CPNE2: variants seen among roughly 807,000 people sequenced by gnomAD.
The protein encoded by CPNE2 is copine-2.
CPNE2 carries 42 observed loss-of-function variants against 69.7 expected under a neutral mutation model. The observed-to-expected ratio is 0.60, with a 90% CI of 0.47 to 0.78. The LOEUF (loss-of-function observed/expected upper bound fraction) is 0.78. Among genes scored for constraint, CPNE2 ranks in the 30% least tolerant of loss-of-function variants. The pLI, the probability that CPNE2 is intolerant of heterozygous loss-of-function variation, is 0.00. For missense variants in CPNE2, 587 were observed against 732.0 expected (o/e 0.80, Z 2.29); for synonymous variants, 294 against 289.8 (o/e 1.01, Z -0.15).
At chr16:57,121,782 C>T (rs368381885) in intron 9 of CPNE2, 22 bp downstream of exon 9, 565 of 1,610,350 alleles carry the variant, frequency 3.5e-4, no homozygotes, top group Non-Finnish European at 4.6e-4. Flanking sequence ...TGGGCAAGCA[C>T]GAGCCAGGGG....
In CPNE2 at chr16:57,147,764, T is replaced by C; in HGVS notation, c.*106T>C. 1 of 627,320 alleles carries C rather than the reference T, an allele frequency of 1.6e-6. No homozygotes were observed. The highest frequency in any genetic ancestry group is 2.4e-6 in the Non-Finnish European group (1 of 408,170). The allele number at this position is 627,320 out of a possible 1,614,324, so 38.9% of individuals were successfully genotyped here. ...GGGTGGCCTTTTTTTACCGATCCCC[T>C]TTTTTATTTTTTACAACCGGACCTC... is the stretch of plus-strand genomic sequence containing the variant. On this transcript the variant is annotated 3_prime_UTR_variant, in exon 16 of 16. Transcript: ENST00000290776.
At chr16:57,103,074 C>T (rs1050015552) in intron 1 of CPNE2, among the ~76,000 whole-genome samples, 3 of 152,288 alleles carry the variant, frequency 2.0e-5, no homozygotes, top group East Asian at 1.9e-4. Flanking sequence ...CAGGCAACCA[C>T]GCCCCTTTCT....
chr16:57,131,793 C>A (rs946014160), intron 12 of CPNE2, among the ~76,000 whole-genome samples: 2 of 152,222 alleles, frequency 1.3e-5, no homozygotes, highest in African/African-American at 4.8e-5. Context: ...CTCCTTCATT[C>A]ACTCCCACCT....
At chr16:57,124,083 TTTTC>T (rs1461734829) in intron 10 of CPNE2, 96 of 166,644 alleles carry the variant, frequency 5.8e-4, no homozygotes, top group African/African-American at 1.5e-3. Context: ...TTTTCTTTTC[TTTTC>T]TTTTTTTTTT....
At position 57,113,487 on chromosome 16, in the gene CPNE2, G is replaced by A. The variant is rs745409884; in HGVS notation, c.360+20G>A. ...GGCACGGTGAGCTGGGCCCTCCTGG[G>A]TGGGAGCAGGGGCCCAAAGACCGGG... On this transcript the variant is annotated intron_variant, in intron 3 of 15. Transcript: ENST00000290776. The A allele has an allele frequency of 1.2e-6, 2 of 1,609,134 alleles. No individual in the cohort carries two copies. The highest frequency in any genetic ancestry group is 1.7e-6 in the Non-Finnish European group (2 of 1,177,150).
rs574859731 is a variant in CPNE2 at position 57,103,340 on chromosome 16, C to G, written c.-35-7368C>G. ...ATCTCACTGTGTTGCCCCAGGCTGG[C>G]CTCAAACTCCTGGCCTCAAGCAGTT... On this transcript the variant is annotated intron_variant, in intron 1 of 15. Transcript: ENST00000290776. Among the ~76,000 whole-genome samples the G allele has an allele frequency of 3.0e-5, 4 of 135,096 alleles. No homozygotes were observed. In the East Asian group the frequency reaches 7.9e-4, roughly 27 times the overall value. 88.6% of individuals were successfully genotyped at this position (135,096 alleles called of 152,430 possible). A position where few individuals can be genotyped will look rare whatever the true frequency, so the allele number is the denominator to read the frequency against.
At chr16:57,109,827 A>G (rs1332326175) in intron 1 of CPNE2, among the ~76,000 whole-genome samples, 2 of 152,190 alleles carry the variant, frequency 1.3e-5, no homozygotes, top group South Asian at 2.1e-4. Flanking sequence ...CCTGTGACCC[A>G]GAATGCCTAA....
At chr16:57,137,340 G>A (rs546668572) in intron 14 of CPNE2, 58 bp downstream of exon 14, 34 of 1,595,924 alleles carry the variant, frequency 2.1e-5, no homozygotes, top group Admixed American at 1.7e-4. Context: ...TCTGGGCTGG[G>A]GGGCAGGATA....
intron 3 of CPNE2, among the ~76,000 whole-genome samples, chr16:57,115,030 C>G (rs889703807): frequency 2.0e-5 from 3 of 150,314 alleles, no homozygotes; most frequent in East Asian, 3.9e-4. Context: ...TCGCTTGAGC[C>G]CAGGAGGTTG....
rs1212397139 is a variant in CPNE2 at position 57,121,723 on chromosome 16, A to G, written c.830A>G (p.Tyr277Cys). Residue 277 changes from tyrosine to cysteine, a missense_variant, in exon 9 of 16, where the codon TAT (tyrosine) becomes TGT (cysteine). This residue lies in a region of CPNE2 where 269 missense variants were observed against 300.5 expected (regional missense o/e 0.90). Coordinates refer to ENST00000290776, the MANE Select transcript of CPNE2 (RefSeq NM_152727.6). ...AAGAAGCAGAGGAAGAAGAAGAACT[A>G]TAAAAACTCGGGCATCATCATCCTG... ...NPKKQRKKKNYKNSGIIILRS... is the reference protein window; with the variant it reads ...NPKKQRKKKNCKNSGIIILRS... The G allele has an allele frequency of 2.5e-6, 4 of 1,614,122 alleles. No homozygotes were observed. Among genetic ancestry groups the G allele is most frequent in the Non-Finnish European group, 3.4e-6 (4 of 1,180,048 alleles).
At chr16:57,108,821 C>T (rs901180279) in intron 1 of CPNE2, among the ~76,000 whole-genome samples, 1 of 152,226 alleles carries the variant, frequency 6.6e-6, no homozygotes, top group African/African-American at 2.4e-5. Flanking sequence ...GAGGAAGATA[C>T]TTGAGGCCCA....
intron 7 of CPNE2, among the ~76,000 whole-genome samples, chr16:57,120,298 G>A (rs1198976750): frequency 6.8e-6 from 1 of 146,848 alleles, no homozygotes; most frequent in Non-Finnish European, 1.5e-5. Context: ...TTATAGGCCG[G>A]GCGCGGTGGC....
rs1168952189 is a variant in CPNE2, at chr16:57,147,579, T to C, written c.1568T>C (p.Val523Ala). 6.2e-7 allele frequency: 1 copy of C among 1,608,790 alleles called. No individual in the cohort carries two copies. Among genetic ancestry groups the C allele is most frequent in the African/African-American group, 1.3e-5 (1 of 74,872 alleles). Residue 523 changes from valine to alanine, a missense_variant, in exon 16 of 16, where the codon GTG becomes GCG. Val to Ala is a moderately conservative substitution (Grantham distance 64). Transcript: ENST00000290776. ...NAAKETLAKA[V>A]LAELPQQVVQ... ...GCAAAAGAGACCTTGGCCAAAGCTG[T>C]GCTGGCGGAGCTGCCCCAACAAGTT...
intron 2 of CPNE2, chr16:57,112,994 GC>G (rs2069691245): frequency 3.6e-6 from 1 of 275,272 alleles, no homozygotes; most frequent in African/African-American, 2.2e-5. Context: ...TCTTACCCTG[GC>G]ACCTGGGTAG....
chr16:57,100,471 G>A (rs1366625927), intron 1 of CPNE2, among the ~76,000 whole-genome samples: 2 of 152,220 alleles, frequency 1.3e-5, no homozygotes, highest in African/African-American at 2.4e-5. Context: ...TATCTGCAGT[G>A]CGTCAAGCAT....
At chr16:57,096,465 T>G (rs972718017) in intron 1 of CPNE2, among the ~76,000 whole-genome samples, 1 of 152,014 alleles carries the variant, frequency 6.6e-6, no homozygotes, top group African/African-American at 2.4e-5. Context: ...GCCAAGATAG[T>G]CAGACCACTT....
At chr16:57,133,943 G>A (rs929519804) in intron 12 of CPNE2, among the ~76,000 whole-genome samples, 6 of 152,166 alleles carry the variant, frequency 3.9e-5, no homozygotes, top group Non-Finnish European at 5.9e-5. Context: ...CTGTGGGGCT[G>A]CAAGAGAGGG....
At chr16:57,096,150 C>T (rs905808551) in intron 1 of CPNE2, among the ~76,000 whole-genome samples, 10 of 152,206 alleles carry the variant, frequency 6.6e-5, no homozygotes, top group Non-Finnish European at 7.3e-5. Flanking sequence ...GGGAGAATTA[C>T]GAGCTTGCCC....
intron 14 of CPNE2, chr16:57,143,147 G>A (rs999817517): frequency 1.4e-4 from 22 of 152,382 alleles, no homozygotes; most frequent in African/African-American, 4.6e-4. Context: ...CTGTCCTGGG[G>A]GTAGGGCTGT....
Sources: gnomAD v4.1 joint callset for allele counts (sites outside exome capture counted in the v4.1 genomes callset) on GRCh38, gnomAD v4.1.1 for gene constraint, gnomAD v4.1.1 regional missense constraint, MANE v1.5 for transcripts, NCBI Gene and HGNC (gene_info 2026-07-23, HGNC 2026-07-21) for gene names.